Variants in CISD1 observed in about 807,000 individuals in gnomAD.
CISD1 encodes CDGSH iron sulfur domain 1, also known as CDGSH iron-sulfur domain-containing protein 1.
A neutral mutation model predicts 12.0 loss-of-function variants in CISD1; 8 were observed. The ratio of observed to expected loss-of-function variants is 0.67; its 90% CI spans 0.39 to 1.20. The LOEUF (loss-of-function observed/expected upper bound fraction) is 1.20. CISD1 is among the 50% of genes most tolerant of loss of function. The pLI, the probability that CISD1 is intolerant of heterozygous loss-of-function variation, is 0.01. For missense variants in CISD1, 107 were observed against 132.7 expected (o/e 0.81, Z 0.95); for synonymous variants, 38 against 42.2 (o/e 0.90, Z 0.39).
In CISD1 at chr10:58,269,270, C is replaced by T. The variant is rs372053931; in HGVS notation, c.-4C>T. ...AGTGCACACGCCTTGCAAGCGACGG[C>T]GCCATGAGTCTGACTTCCAGTTCCA... is the stretch of plus-strand genomic sequence containing the variant. On this transcript the variant is annotated 5_prime_UTR_variant, in exon 1 of 3. Transcript: ENST00000333926. 1.0e-4 allele frequency: 164 copies of T among 1,608,526 alleles called. No individual in the cohort carries two copies. The highest frequency in any genetic ancestry group is 1.3e-4 in the Non-Finnish European group (155 of 1,179,708).
Position 58,277,197 on chromosome 10 carries a change from G to C in CISD1, c.112G>C (p.Asp38His), listed in dbSNP as rs1839324865. The change falls in exon 2 of 3, where the codon GAT becomes CAT. Residue 38 changes from aspartate (D) to histidine (H), a missense_variant. Transcript: ENST00000333926. ...YLAYKRFYVK[D>H]HRNKAMINLH... ...AGCTTACAAAAGATTTTATGTTAAA[G>C]ATCATCGAAATAAAGCTATGATAAA... is the stretch of plus-strand genomic sequence containing the variant. 1 of 1,612,950 alleles carries C rather than the reference G, an allele frequency of 6.2e-7. No individual in the cohort carries two copies. Among genetic ancestry groups the C allele is most frequent in the Non-Finnish European group, 8.5e-7 (1 of 1,179,394 alleles).
intron 2 of CISD1, among the ~76,000 whole-genome samples, chr10:58,284,514 A>G (rs1588982933): frequency 6.6e-6 from 1 of 152,312 alleles, no homozygotes; most frequent in East Asian, 1.9e-4. Flanking sequence ...TATACACTTT[A>G]ATCGCATGAA....
At chr10:58,273,222 G>C (rs947870583) in intron 1 of CISD1, among the ~76,000 whole-genome samples, 1 of 152,142 alleles carries the variant, frequency 6.6e-6, no homozygotes, top group Admixed American at 6.5e-5. Flanking sequence ...TAGAAAAATT[G>C]CACATAGGAA....
chr10:58,277,232 C>T lies in CISD1; in HGVS notation c.147C>T (p.Ile49=). ...HRNKAMINLH[I]QKDNPKIVHA... ...ATAAAGCTATGATAAACCTTCACAT[C>T]CAGAAAGACAACCCCAAGATAGTAC... The change falls in exon 2 of 3, where the codon ATC becomes ATT. Residue 49 remains isoleucine, a synonymous_variant. Transcript: ENST00000333926. The T allele has an allele frequency of 6.2e-7, 1 of 1,612,980 alleles. No individual in the cohort carries two copies. The highest frequency in any genetic ancestry group is 2.2e-5 in the East Asian group (1 of 44,818).
chr10:58,275,062 A>G (rs566287854), intron 1 of CISD1, among the ~76,000 whole-genome samples: 14 of 152,346 alleles, frequency 9.2e-5, no homozygotes, highest in South Asian at 2.1e-4. Flanking sequence ...GTTATGAAGT[A>G]CTTTATAATT....
chr10:58,281,957 G>A (rs1588982210), intron 2 of CISD1, among the ~76,000 whole-genome samples: 1 of 150,388 alleles, frequency 6.6e-6, no homozygotes, highest in African/African-American at 2.4e-5. Flanking sequence ...AAATTGGCTT[G>A]GCTTTTTTTT....
chr10:58,283,898 C>T (rs1185405781), intron 2 of CISD1, among the ~76,000 whole-genome samples: 1 of 152,086 alleles, frequency 6.6e-6, no homozygotes, highest in Non-Finnish European at 1.5e-5. Context: ...TAAACAAACG[C>T]TGACATCTTA....
intron 1 of CISD1, among the ~76,000 whole-genome samples, chr10:58,276,363 G>T (rs1839314764): frequency 6.6e-6 from 1 of 151,682 alleles, no homozygotes; most frequent in Non-Finnish European, 1.5e-5. Flanking sequence ...AATATATTTA[G>T]AATTTATTAA....
At chr10:58,272,452 T>C (rs1839260292) in intron 1 of CISD1, among the ~76,000 whole-genome samples, 1 of 152,220 alleles carries the variant, frequency 6.6e-6, no homozygotes, top group Non-Finnish European at 1.5e-5. Flanking sequence ...TTGTGTATTT[T>C]ATTGAAACTA....
chr10:58,286,908 A>G (rs775803212), intron 2 of CISD1, among the ~76,000 whole-genome samples: 1 of 152,226 alleles, frequency 6.6e-6, no homozygotes, highest in African/African-American at 2.4e-5. Context: ...GACTGCTGCA[A>G]AAATAACAGA....
chr10:58,271,912 T>C (rs1223238605), intron 1 of CISD1, among the ~76,000 whole-genome samples: 1 of 152,180 alleles, frequency 6.6e-6, no homozygotes, highest in African/African-American at 2.4e-5. Flanking sequence ...TTATATTTTC[T>C]AGTACTAAGT....
chr10:58,280,461 A>C (rs1326267321), intron 2 of CISD1, among the ~76,000 whole-genome samples: 1 of 152,224 alleles, frequency 6.6e-6, no homozygotes, highest in Non-Finnish European at 1.5e-5. Flanking sequence ...TATGCCATTA[A>C]CAGAAATAAG....
chr10:58,284,588 T>A (rs2132284596), intron 2 of CISD1, among the ~76,000 whole-genome samples: 1 of 152,288 alleles, frequency 6.6e-6, no homozygotes, highest in Admixed American at 6.5e-5. Context: ...GTGTTTGCTT[T>A]TAAGAATATG....
intron 1 of CISD1, among the ~76,000 whole-genome samples, chr10:58,269,797 G>A (rs144324916): frequency 1.7e-3 from 266 of 152,206 alleles, no homozygotes; most frequent in African/African-American, 6.1e-3. Context: ...GCAATCCGAG[G>A]TTTTCAGTTT....
At chr10:58,280,449 G>T (rs965132210) in intron 2 of CISD1, among the ~76,000 whole-genome samples, 5 of 152,194 alleles carry the variant, frequency 3.3e-5, no homozygotes, top group Non-Finnish European at 7.3e-5. Flanking sequence ...TTAGAAGAGG[G>T]TTATGCCATT....
At chr10:58,281,827 C>T (rs761652402) in intron 2 of CISD1, among the ~76,000 whole-genome samples, 7 of 152,186 alleles carry the variant, frequency 4.6e-5, no homozygotes, top group Non-Finnish European at 5.9e-5. Flanking sequence ...GAGCAGGTTT[C>T]CCAACCCTAA....
chr10:58,278,941 A>G (rs1839345186), intron 2 of CISD1, among the ~76,000 whole-genome samples: 1 of 152,174 alleles, frequency 6.6e-6, no homozygotes, highest in Non-Finnish European at 1.5e-5. Flanking sequence ...TGGTGCTATT[A>G]TGCTGCTTAA....
chr10:58,288,569 A>G lies in CISD1; in HGVS notation c.*919A>G, dbSNP rs1277943307. On this transcript the variant is annotated 3_prime_UTR_variant, in exon 3 of 3. Transcript: ENST00000333926. ...TAGCTAATCAAGCACATGGCTTTTA[A>G]ATTGTATGATCTTTTTCTTAAAAGC... 6.6e-6 allele frequency: 1 copy of G among 152,226 alleles called. No individual in the cohort carries two copies. Among genetic ancestry groups the G allele is most frequent in the African/African-American group, 2.4e-5 (1 of 41,434 alleles). The allele number at this position is 152,226 out of a possible 1,614,324, so 9.4% of individuals were successfully genotyped here. A position where few individuals can be genotyped will look rare whatever the true frequency, so the allele number is the denominator to read the frequency against.
chr10:58,274,098 A>C (rs1047198310), intron 1 of CISD1, among the ~76,000 whole-genome samples: 6 of 152,096 alleles, frequency 3.9e-5, no homozygotes, highest in African/African-American at 9.7e-5. Context: ...GTGCCATTGC[A>C]CTCCAGCCTG....
Sources: allele counts gnomAD v4.1 joint callset (sites outside exome capture counted in the v4.1 genomes callset), GRCh38; gene constraint gnomAD v4.1.1; transcripts MANE v1.5; gene names NCBI Gene and HGNC (gene_info 2026-07-23, HGNC 2026-07-21).